Variants in ZFAND3 observed in about 807,000 individuals in gnomAD.
ZFAND3 encodes the protein zinc finger AN1-type containing 3.
ZFAND3 carries 10 observed loss-of-function variants against 29.6 expected under a neutral mutation model. The ratio of observed to expected loss-of-function variants is 0.34; its 90% CI spans 0.21 to 0.57. ZFAND3 has a LOEUF of 0.57. Ranked by LOEUF, ZFAND3 falls within the 20% of genes least tolerant of loss-of-function variation. ZFAND3 has a pLI of 0.86. For missense variants in ZFAND3, 230 were observed against 304.5 expected (o/e 0.76, Z 1.82); for synonymous variants, 128 against 112.6 (o/e 1.14, Z -0.87).
At chr6:38,013,216 G>A (rs1273885030) in intron 2 of ZFAND3, among the ~76,000 whole-genome samples, 2 of 152,070 alleles carry the variant, frequency 1.3e-5, no homozygotes, top group Non-Finnish European at 2.9e-5. Context: ...CTTCACTTGG[G>A]GCTTTAATGG....
At chr6:37,934,412 C>T (rs1425400062) in intron 2 of ZFAND3, among the ~76,000 whole-genome samples, 3 of 151,342 alleles carry the variant, frequency 2.0e-5, no homozygotes, top group Non-Finnish European at 4.4e-5. Context: ...ACGACACTTA[C>T]AGTTAAGTAT....
At chr6:37,822,238 A>G (rs568288494) in intron 1 of ZFAND3, among the ~76,000 whole-genome samples, 26 of 152,350 alleles carry the variant, frequency 1.7e-4, no homozygotes, top group Admixed American at 1.6e-3. Flanking sequence ...ATAAGCAACC[A>G]GGGCTTCTTT....
At chr6:38,113,432 A>T (rs1656108446) in intron 4 of ZFAND3, among the ~76,000 whole-genome samples, 2 of 152,232 alleles carry the variant, frequency 1.3e-5, no homozygotes. Flanking sequence ...CAGAACAAAT[A>T]ACTCAGTGGT....
intron 2 of ZFAND3, among the ~76,000 whole-genome samples, chr6:38,057,398 A>T (rs1764151079): frequency 6.6e-6 from 1 of 152,228 alleles, no homozygotes; most frequent in Non-Finnish European, 1.5e-5. Flanking sequence ...AAGAACTGTG[A>T]TGCAAATATC....
chr6:37,921,273 T>C (rs751184272), intron 1 of ZFAND3, among the ~76,000 whole-genome samples: 1 of 152,168 alleles, frequency 6.6e-6, no homozygotes, highest in Non-Finnish European at 1.5e-5. Context: ...GAACTTTCTT[T>C]GTAGTCTAGA....
intron 2 of ZFAND3, among the ~76,000 whole-genome samples, chr6:38,006,412 A>G (rs1273775850): frequency 6.6e-6 from 1 of 152,192 alleles, no homozygotes; most frequent in African/African-American, 2.4e-5. Context: ...CCTAATTAAG[A>G]GGCTGTCCTT....
chr6:38,017,628 T>A (rs1032026061), intron 2 of ZFAND3, among the ~76,000 whole-genome samples: 1 of 152,094 alleles, frequency 6.6e-6, no homozygotes, highest in Non-Finnish European at 1.5e-5. Context: ...CTATATTTGA[T>A]ACTTGAAAAG....
chr6:37,979,655 G>A (rs187626792), intron 2 of ZFAND3, among the ~76,000 whole-genome samples: 126 of 152,234 alleles, frequency 8.3e-4, no homozygotes, highest in Non-Finnish European at 1.2e-3. Flanking sequence ...GTCTATGTGC[G>A]TCTCAAGCCC....
chr6:37,990,862 C>G (rs1762746699), intron 2 of ZFAND3, among the ~76,000 whole-genome samples: 2 of 152,102 alleles, frequency 1.3e-5, no homozygotes, highest in African/African-American at 2.4e-5. Context: ...TTGGCCACCT[C>G]CATTACAGAT....
chr6:37,977,679 C>T lies in ZFAND3; in HGVS notation c.112+47680C>T, dbSNP rs559063993. Among the ~76,000 whole-genome samples, 61 of 151,630 alleles carry T rather than the reference C, an allele frequency of 4.0e-4. 1 individual carries two copies. The highest frequency in any genetic ancestry group is 1.3e-3 in the African/African-American group (55 of 41,330). On this transcript the variant is annotated intron_variant, in intron 2 of 5. Transcript: ENST00000287218. Reference sequence around the variant, plus strand: ...TGATCTAAGAGGGCAAGCTTTCAGTCTTTCACCAGTAAGTATGAGATTAGC... The same window carrying T: ...TGATCTAAGAGGGCAAGCTTTCAGTTTTTCACCAGTAAGTATGAGATTAGC...
intron 1 of ZFAND3, among the ~76,000 whole-genome samples, chr6:37,850,956 C>T (rs936623690): frequency 1.3e-5 from 2 of 151,572 alleles, no homozygotes; most frequent in African/African-American, 4.9e-5. Flanking sequence ...AATTGATTTT[C>T]TTGGTTTTAT....
intron 4 of ZFAND3, among the ~76,000 whole-genome samples, chr6:38,112,654 A>C (rs1483478152): frequency 6.6e-6 from 1 of 152,182 alleles, no homozygotes; most frequent in Non-Finnish European, 1.5e-5. Flanking sequence ...CTTTAATGTC[A>C]ACCATGTTTG....
rs773410289 is a variant in ZFAND3 at position 37,835,862 on chromosome 6, TA to T, written c.71+15849del. On this transcript the variant is annotated intron_variant, in intron 1 of 5. Transcript: ENST00000287218. The stretch of plus-strand genomic sequence containing the variant: ...TATACATTTCTAGCATCCTGTATAA[TA>T]AATGGCAGAACAGTATTCCAGTTAG... 2.0e-4 allele frequency among the ~76,000 whole-genome samples: 31 copies of T among 152,362 alleles called. No homozygotes were observed. The Middle Eastern group carries it at 0.01, about 50-fold the overall frequency.
chr6:37,969,695 GA>G (rs1762353885), intron 2 of ZFAND3, among the ~76,000 whole-genome samples: 1 of 151,604 alleles, frequency 6.6e-6, no homozygotes, highest in African/African-American at 2.4e-5. Flanking sequence ...GAGTTACTCA[GA>G]AGAACTAAAA....
intron 5 of ZFAND3, among the ~76,000 whole-genome samples, chr6:38,145,861 C>T (rs1048048177): frequency 1.3e-5 from 2 of 152,122 alleles, no homozygotes; most frequent in Non-Finnish European, 2.9e-5. Flanking sequence ...CCTGTCCTTC[C>T]GAGAGAAGTG....
intron 3 of ZFAND3, among the ~76,000 whole-genome samples, chr6:38,068,442 G>A (rs1341150896): frequency 2.0e-5 from 3 of 152,146 alleles, no homozygotes; most frequent in Non-Finnish European, 4.4e-5. Flanking sequence ...AGACCCAATG[G>A]CCTATTACAG....
In ZFAND3 at chr6:38,153,022, A is replaced by G. The variant is rs963865289; in HGVS notation, c.*633A>G. 1.4e-5 allele frequency: 14 copies of G among 985,742 alleles called. No individual in the cohort carries two copies. The East Asian group carries it at 1.2e-3, about 88-fold the overall frequency. 61.1% of individuals were successfully genotyped at this position (985,742 alleles called of 1,614,324 possible). ...TTGCTATGAAAAAACTCATCACACA[A>G]GAAGAGAAACAGTAACCTCACTTTG... On this transcript the variant is annotated 3_prime_UTR_variant, in exon 6 of 6. Transcript: ENST00000287218.
chr6:38,143,759 C>T (rs2127496207), intron 5 of ZFAND3, among the ~76,000 whole-genome samples: 1 of 151,660 alleles, frequency 6.6e-6, no homozygotes, highest in Non-Finnish European at 1.5e-5. Context: ...CTTCTCAGCC[C>T]AGCAGAGCAC....
intron 1 of ZFAND3, among the ~76,000 whole-genome samples, chr6:37,839,905 C>T (rs1764041482): frequency 6.6e-6 from 1 of 152,018 alleles, no homozygotes; most frequent in Non-Finnish European, 1.5e-5. Flanking sequence ...GGTGGTTTCA[C>T]GTTTTTTGGG....
Sources: gnomAD v4.1 joint callset for allele counts (sites outside exome capture counted in the v4.1 genomes callset) on GRCh38, gnomAD v4.1.1 for gene constraint, MANE v1.5 for transcripts, NCBI Gene and HGNC (gene_info 2026-07-23, HGNC 2026-07-21) for gene names.